Variants in LUZP2 observed in about 807,000 individuals in gnomAD.
The protein encoded by LUZP2 is leucine zipper protein 2.
LUZP2 carries 52 observed loss-of-function variants against 51.6 expected under a neutral mutation model. The ratio of observed to expected loss-of-function variants is 1.01; its 90% confidence interval spans 0.81 to 1.27. LUZP2 has a LOEUF of 1.27. Ranked by LOEUF, LUZP2 falls within the 50% of genes most tolerant of loss-of-function variation. The probability of loss-of-function intolerance (pLI) is 0.00; values close to 1 mark genes in which losing one functional copy is unlikely to be tolerated. For synonymous variants in LUZP2, 154 were observed against 137.3 expected (o/e 1.12, Z -0.85); for missense variants, 436 against 395.4 (o/e 1.10, Z -0.87).
chr11:24,806,588 A>C (rs1191109226), intron 5 of LUZP2, among the ~76,000 whole-genome samples: 1 of 152,216 alleles, frequency 6.6e-6, no homozygotes, highest in African/African-American at 2.4e-5. Flanking sequence ...TTCTCACTAC[A>C]AAGAAAAAGG....
chr11:24,728,901 T>A (rs1427905960), intron 1 of LUZP2, among the ~76,000 whole-genome samples: 3 of 151,966 alleles, frequency 2.0e-5, no homozygotes, highest in African/African-American at 7.2e-5. Context: ...AGGCATGTCT[T>A]ACATGCAGCA....
intron 10 of LUZP2, among the ~76,000 whole-genome samples, chr11:25,065,718 T>C (rs143457538): frequency 6.6e-6 from 1 of 152,052 alleles, no homozygotes; most frequent in East Asian, 1.9e-4. Context: ...TTACTCCAGG[T>C]AGAGGAATGA....
intron 5 of LUZP2, among the ~76,000 whole-genome samples, chr11:24,825,795 G>T (rs575231888): frequency 6.6e-6 from 1 of 151,982 alleles, no homozygotes; most frequent in South Asian, 2.1e-4. Context: ...CAGTATTTTG[G>T]AAGCCTGCTA....
chr11:24,601,888 G>GTATATATATGTATATATGTA (rs34392590), intron 1 of LUZP2, among the ~76,000 whole-genome samples: 7 of 104,250 alleles, frequency 6.7e-5, no homozygotes, highest in Non-Finnish European at 1.2e-4. Context: ...ATGTATATAT[G>GTATATATATGTATATATGTA]TATATATGTA....
At chr11:24,637,535 G>A (rs1471619746) in intron 1 of LUZP2, among the ~76,000 whole-genome samples, 1 of 151,964 alleles carries the variant, frequency 6.6e-6, no homozygotes, top group East Asian at 1.9e-4. Context: ...TGCAGAAAGC[G>A]AGTAGGAGAG....
chr11:25,046,178 C>T (rs191540749), intron 9 of LUZP2, among the ~76,000 whole-genome samples: 24 of 139,012 alleles, frequency 1.7e-4, no homozygotes, highest in Middle Eastern at 4.0e-3. Flanking sequence ...ATTAAATGCA[C>T]AAAACAATGC....
At chr11:24,878,102 T>G (rs970640891) in intron 5 of LUZP2, among the ~76,000 whole-genome samples, 2 of 74,128 alleles carry the variant, frequency 2.7e-5, no homozygotes, top group African/African-American at 1.1e-4. Flanking sequence ...TATTCTGTGT[T>G]TTTTTTTTTT....
At chr11:24,509,546 C>T (rs976029212) in intron 1 of LUZP2, among the ~76,000 whole-genome samples, 4 of 148,062 alleles carry the variant, frequency 2.7e-5, no homozygotes, top group Admixed American at 1.4e-4. Flanking sequence ...ATATTATATG[C>T]ATATTTTAAT....
chr11:24,843,396 A>G (rs1021907898), intron 5 of LUZP2, among the ~76,000 whole-genome samples: 1 of 152,146 alleles, frequency 6.6e-6, no homozygotes, highest in Non-Finnish European at 1.5e-5. Flanking sequence ...TTAATATGAA[A>G]AATATGACAG....
At chr11:24,841,619 A>G (rs1261701376) in intron 5 of LUZP2, among the ~76,000 whole-genome samples, 1 of 152,130 alleles carries the variant, frequency 6.6e-6, no homozygotes, top group Non-Finnish European at 1.5e-5. Context: ...AATGCCTTCC[A>G]ATTTCTCAAG....
intron 1 of LUZP2, among the ~76,000 whole-genome samples, chr11:24,726,619 G>A (rs972916394): frequency 6.6e-6 from 1 of 151,810 alleles, no homozygotes; most frequent in African/African-American, 2.4e-5. Flanking sequence ...ATTCTTTTGT[G>A]TCCACATATA....
intron 6 of LUZP2, among the ~76,000 whole-genome samples, chr11:24,912,996 A>T (rs1853685703): frequency 6.6e-6 from 1 of 152,192 alleles, no homozygotes; most frequent in South Asian, 2.1e-4. Flanking sequence ...TGACATAAGG[A>T]TCATGGGTTT....
At chr11:24,504,098 G>A (rs1364870287) in intron 1 of LUZP2, among the ~76,000 whole-genome samples, 1 of 152,108 alleles carries the variant, frequency 6.6e-6, no homozygotes, top group Non-Finnish European at 1.5e-5. Context: ...CATCTATAAT[G>A]GTTCCTGCTG....
intron 5 of LUZP2, among the ~76,000 whole-genome samples, chr11:24,848,471 C>G (rs947644601): frequency 2.0e-5 from 3 of 152,168 alleles, no homozygotes; most frequent in Non-Finnish European, 2.9e-5. Context: ...TCCACTCCTG[C>G]CTTGTTGCCC....
chr11:24,695,710 G>A (rs1390955790), intron 1 of LUZP2, among the ~76,000 whole-genome samples: 1 of 151,982 alleles, frequency 6.6e-6, no homozygotes, highest in Non-Finnish European at 1.5e-5. Flanking sequence ...GAAAGTAAAT[G>A]TGAAAGAGAA....
intron 1 of LUZP2, among the ~76,000 whole-genome samples, chr11:24,588,745 T>G (rs1237849777): frequency 6.6e-6 from 1 of 152,112 alleles, no homozygotes; most frequent in Non-Finnish European, 1.5e-5. Context: ...AATAACAATT[T>G]TACTTTTCTT....
In LUZP2 at chr11:24,716,685, T is replaced by C. The variant is rs376501095; in HGVS notation, c.63-12484T>C. Reference sequence around the variant, plus strand: ...TCCAAGGCGGACGGATCACCTGAGGTCAAGAGTTCGAGACCAACTGGCCAA... The same window carrying C: ...TCCAAGGCGGACGGATCACCTGAGGCCAAGAGTTCGAGACCAACTGGCCAA... On this transcript the variant is annotated intron_variant, in intron 1 of 11. Coordinates refer to ENST00000336930, the MANE Select transcript of LUZP2 (RefSeq NM_001009909.4). Among the ~76,000 whole-genome samples, 10 of 152,204 alleles carry C rather than the reference T, an allele frequency of 6.6e-5. No homozygotes were observed. The East Asian group carries it at 1.5e-3, about 24-fold the overall frequency.
At chr11:24,620,733 G>A (rs2403970) in intron 1 of LUZP2, among the ~76,000 whole-genome samples, 53,234 of 151,976 alleles carry the variant, frequency 0.35, 9,441 homozygotes, top group Middle Eastern at 0.43. Flanking sequence ...ACATGCTCCA[G>A]AATGGACATA....
intron 9 of LUZP2, among the ~76,000 whole-genome samples, chr11:24,990,565 A>C (rs1188405567): frequency 4.6e-5 from 7 of 151,978 alleles, no homozygotes; most frequent in African/African-American, 1.7e-4. Context: ...AGACTGGAAA[A>C]CCATTTATAT....
Sources: allele counts gnomAD v4.1 joint callset (sites outside exome capture counted in the v4.1 genomes callset), GRCh38; gene constraint gnomAD v4.1.1; transcripts MANE v1.5; gene names NCBI Gene and HGNC (gene_info 2026-07-23, HGNC 2026-07-21).